RAD51B: variants seen among roughly 807,000 people sequenced by gnomAD.
The protein encoded by RAD51B is DNA repair protein RAD51 homolog 2.
RAD51B carries 38 observed loss-of-function variants against 42.2 expected under a neutral mutation model. The observed-to-expected ratio is 0.90, with a 90% CI of 0.70 to 1.18. RAD51B has a LOEUF of 1.18. Ranked by LOEUF, RAD51B falls within the 50% of genes most tolerant of loss-of-function variation. The pLI is 0.00. For synonymous variants in RAD51B, 154 were observed against 145.2 expected, an observed-to-expected ratio of 1.06 and a Z score of -0.43; for missense variants, 373 against 400.7, an observed-to-expected ratio of 0.93 and a Z score of 0.59.
At chr14:68,635,734 C>G (rs1892327752) in intron 10 of RAD51B, among the ~76,000 whole-genome samples, 1 of 152,174 alleles carries the variant, frequency 6.6e-6, no homozygotes, top group African/African-American at 2.4e-5. Context: ...TCAGTTGCCC[C>G]TGGGCTAGTG....
At chr14:68,450,270 G>A (rs2085524348) in intron 9 of RAD51B, among the ~76,000 whole-genome samples, 1 of 136,892 alleles carries the variant, frequency 7.3e-6, no homozygotes, top group South Asian at 2.4e-4. Context: ...CCAGACTGGA[G>A]TGCAATGGCA....
chr14:68,637,106 G>C (rs1220014757), intron 10 of RAD51B, among the ~76,000 whole-genome samples: 2 of 151,982 alleles, frequency 1.3e-5, no homozygotes, highest in Non-Finnish European at 2.9e-5. Context: ...TTCAGACAGG[G>C]TCTTGCTCCA....
intron 10 of RAD51B, among the ~76,000 whole-genome samples, chr14:68,474,249 C>CT (rs1307421648): frequency 6.6e-6 from 1 of 152,072 alleles, no homozygotes; most frequent in Non-Finnish European, 1.5e-5. Flanking sequence ...TTTACTATAT[C>CT]TTCCCAAATT....
intron 9 of RAD51B, among the ~76,000 whole-genome samples, chr14:68,435,719 G>T (rs1475901476): frequency 6.6e-6 from 1 of 152,030 alleles, no homozygotes; most frequent in African/African-American, 2.4e-5. Flanking sequence ...AAGCCATTCT[G>T]ACTGGTGTGA....
downstream of RAD51B, among the ~76,000 whole-genome samples, chr14:68,597,202 C>G (rs1835359191): frequency 1.3e-5 from 2 of 152,190 alleles, no homozygotes; most frequent in African/African-American, 4.8e-5. Flanking sequence ...TGCTCTCCTA[C>G]AGCAGAGAAA....
intron 2 of RAD51B, among the ~76,000 whole-genome samples, chr14:67,824,421 C>T (rs540141318): frequency 6.6e-6 from 1 of 152,210 alleles, no homozygotes; most frequent in South Asian, 2.1e-4. Flanking sequence ...CCACACCCAG[C>T]TAATTTTTGG....
At chr14:68,447,762 G>C (rs923808905) in intron 9 of RAD51B, among the ~76,000 whole-genome samples, 2 of 151,768 alleles carry the variant, frequency 1.3e-5, no homozygotes, top group Non-Finnish European at 2.9e-5. Flanking sequence ...TATTAAGCTT[G>C]ATGAAAGTCC....
intron 11 of RAD51B, among the ~76,000 whole-genome samples, chr14:68,656,189 GA>G (rs1303488920): frequency 6.6e-6 from 1 of 152,194 alleles, no homozygotes; most frequent in Admixed American, 6.5e-5. Flanking sequence ...CAGTGACTTT[GA>G]AAAGCCTGGA....
intron 10 of RAD51B, among the ~76,000 whole-genome samples, chr14:68,526,141 T>C (rs1886913751): frequency 6.6e-6 from 1 of 152,250 alleles, no homozygotes; most frequent in African/African-American, 2.4e-5. Context: ...CTGGGTCATG[T>C]TCAGTGCTAT....
chr14:68,343,026 C>T (rs1184425525), intron 8 of RAD51B, among the ~76,000 whole-genome samples: 3 of 151,056 alleles, frequency 2.0e-5, no homozygotes, highest in Non-Finnish European at 4.4e-5. Context: ...TTGACAAATA[C>T]AGTTGTATGT....
At chr14:68,394,260 T>C (rs568516713) in intron 8 of RAD51B, among the ~76,000 whole-genome samples, 8 of 152,320 alleles carry the variant, frequency 5.3e-5, no homozygotes, top group African/African-American at 1.9e-4. Flanking sequence ...TTCTCAGGCC[T>C]CCATCTGCAG....
chr14:68,496,994 C>T (rs1051778062), intron 10 of RAD51B: 12 of 861,374 alleles, frequency 1.4e-5, no homozygotes, highest in Non-Finnish European at 1.9e-5. Flanking sequence ...TTGGAACAAA[C>T]AGAATGGGGG....
At chr14:68,548,130 C>T (rs2140378288) in intron 10 of RAD51B, among the ~76,000 whole-genome samples, 1 of 152,344 alleles carries the variant, frequency 6.6e-6, no homozygotes, top group Non-Finnish European at 1.5e-5. Context: ...CATGTTCTCT[C>T]TCTGTTAATT....
At chr14:68,088,158 T>C (rs2077029739) in intron 7 of RAD51B, among the ~76,000 whole-genome samples, 1 of 150,740 alleles carries the variant, frequency 6.6e-6, no homozygotes, top group South Asian at 2.1e-4. Context: ...TCCATGAATC[T>C]AAGAGCTATT....
intron 5 of RAD51B, among the ~76,000 whole-genome samples, chr14:67,883,552 A>T (rs1413634300): frequency 6.6e-6 from 1 of 151,966 alleles, no homozygotes; most frequent in Non-Finnish European, 1.5e-5. Context: ...CACATGGTTC[A>T]TTTTCTTATC....
At chr14:68,115,658 C>T (rs2077534417) in intron 7 of RAD51B, among the ~76,000 whole-genome samples, 2 of 151,740 alleles carry the variant, frequency 1.3e-5, no homozygotes, top group South Asian at 2.1e-4. Flanking sequence ...TTTATGATTG[C>T]ATTCTTTGAT....
At chr14:68,268,627 T>C (rs1264794527) in intron 7 of RAD51B, among the ~76,000 whole-genome samples, 1 of 152,258 alleles carries the variant, frequency 6.6e-6, no homozygotes. Context: ...ATCTGGGTTT[T>C]AGCTCTATCT....
chr14:68,581,287 T>G (rs1175924040), intron 10 of RAD51B, among the ~76,000 whole-genome samples: 1 of 152,162 alleles, frequency 6.6e-6, no homozygotes, highest in Non-Finnish European at 1.5e-5. Flanking sequence ...GTCAGCCAGC[T>G]GGTTGGGAGG....
chr14:68,254,746 A>G (rs978312242), intron 7 of RAD51B, among the ~76,000 whole-genome samples: 1 of 152,222 alleles, frequency 6.6e-6, no homozygotes, highest in Non-Finnish European at 1.5e-5. Flanking sequence ...ATGCACTTAG[A>G]AACATTTTTC....
Sources: gnomAD v4.1 joint callset for allele counts (sites outside exome capture counted in the v4.1 genomes callset) on GRCh38, gnomAD v4.1.1 for gene constraint, MANE v1.5 for transcripts, NCBI Gene and HGNC (gene_info 2026-07-23, HGNC 2026-07-21) for gene names.